The following ANO1 variants were observed in gnomAD, a reference collection of about 807,000 sequenced individuals.
The protein encoded by ANO1 is anoctamin-1.
Under a neutral mutation model 124.0 loss-of-function variants are expected in ANO1, and 59 were observed. That is an observed-to-expected ratio of 0.48 (90% CI 0.39 to 0.59). ANO1 has a LOEUF of 0.59. ANO1 is among the 20% of genes least tolerant of loss of function. The pLI is 0.00. For missense variants in ANO1, 1,059 were observed against 1,328.0 expected (o/e 0.80, Z 3.15); for synonymous variants, 529 against 532.0 (o/e 0.99, Z 0.08).
intron 1 of ANO1, among the ~76,000 whole-genome samples, chr11:69,987,292 C>T (rs1031431548): frequency 6.6e-6 from 1 of 152,188 alleles, no homozygotes; most frequent in Non-Finnish European, 1.5e-5. Context: ...AGAAATGATC[C>T]GTTCTGTGAT....
chr11:70,133,915 C>T (rs917177931), intron 11 of ANO1, among the ~76,000 whole-genome samples: 1 of 152,204 alleles, frequency 6.6e-6, no homozygotes, highest in Non-Finnish European at 1.5e-5. Flanking sequence ...CCTCTTGCCT[C>T]GGCTCACCAA....
chr11:70,129,875 G>A (rs1438079046), intron 10 of ANO1, among the ~76,000 whole-genome samples: 8 of 152,064 alleles, frequency 5.3e-5, no homozygotes, highest in Non-Finnish European at 8.8e-5. Flanking sequence ...TGCCTGCCTC[G>A]GCCTCCCAGT....
chr11:70,108,976 C>T (rs1288093579), intron 6 of ANO1, among the ~76,000 whole-genome samples: 2 of 152,230 alleles, frequency 1.3e-5, no homozygotes, highest in Non-Finnish European at 2.9e-5. Context: ...AATTGTGTAG[C>T]TGGGAACCAC....
At chr11:70,137,725 C>T (rs1464522795) in intron 11 of ANO1, among the ~76,000 whole-genome samples, 2 of 146,938 alleles carry the variant, frequency 1.4e-5, no homozygotes, top group African/African-American at 2.4e-5. Flanking sequence ...GTTCAAATCC[C>T]AGCTCTGTCA....
intron 2 of ANO1, among the ~76,000 whole-genome samples, chr11:70,095,427 A>AG (rs1555017753): frequency 3.3e-5 from 1 of 30,658 alleles, no homozygotes; most frequent in African/African-American, 1.2e-4. Flanking sequence ...AGAAAGAAAG[A>AG]AAAGAAAAGA....
At chr11:70,083,812 C>T (rs11233399) in intron 1 of ANO1, among the ~76,000 whole-genome samples, 21,433 of 152,164 alleles carry the variant, frequency 0.14, 1,674 homozygotes, top group African/African-American at 0.2. Context: ...CTGGCCAGGC[C>T]TCCGGGGTCC....
At chr11:70,165,127 G>A (rs986027828) in intron 19 of ANO1, among the ~76,000 whole-genome samples, 3 of 152,086 alleles carry the variant, frequency 2.0e-5, no homozygotes, top group Non-Finnish European at 4.4e-5. Flanking sequence ...TGGGGACTAC[G>A]GAAGCCCTCA....
intron 8 of ANO1, among the ~76,000 whole-genome samples, chr11:70,118,690 G>C: frequency 6.6e-6 from 1 of 151,368 alleles, no homozygotes; most frequent in East Asian, 2.0e-4. Flanking sequence ...ATGGATGGTG[G>C]AGAGATGAAT....
chr11:70,045,932 T>C (rs1857253915), intron 1 of ANO1, among the ~76,000 whole-genome samples: 1 of 152,194 alleles, frequency 6.6e-6, no homozygotes, highest in African/African-American at 2.4e-5. Flanking sequence ...CATCCAGTCT[T>C]TTCTTGCTCT....
chr11:70,161,701 C>T lies in ANO1; in HGVS notation c.1860C>T (p.Thr620=), dbSNP rs557532554. ...AFLLKFVNSY[T]PIFYVAFFKG... ...TGCTGAAGTTTGTGAATTCCTACAC[C>T]CCCATCTTTTACGTGGCGTTCTTCA... The change falls in exon 18 of 26, where the codon ACC becomes ACT. Residue 620 remains threonine (T), a synonymous_variant. Coordinates refer to ENST00000355303, the MANE Select transcript of ANO1 (RefSeq NM_018043.7). The T allele has an allele frequency of 5.1e-5, 82 of 1,613,894 alleles. No homozygotes were observed. The highest frequency in any genetic ancestry group is 6.0e-5 in the Non-Finnish European group (71 of 1,179,902).
At chr11:70,019,709 C>T (rs1254490674) in intron 1 of ANO1, among the ~76,000 whole-genome samples, 1 of 152,252 alleles carries the variant, frequency 6.6e-6, no homozygotes, top group Admixed American at 6.5e-5. Flanking sequence ...ACCCACCCAC[C>T]ACTGTCTGGG....
At chr11:70,083,605 G>A (rs1308178749) in intron 1 of ANO1, among the ~76,000 whole-genome samples, 3 of 152,122 alleles carry the variant, frequency 2.0e-5, no homozygotes, top group East Asian at 1.9e-4. Context: ...AGGATTTTTG[G>A]CCACTCCTTA....
At chr11:70,104,181 A>G (rs1338552541) in intron 4 of ANO1, 31 bp downstream of exon 4, 10 of 1,599,672 alleles carry the variant, frequency 6.3e-6, no homozygotes, top group Non-Finnish European at 8.5e-6. Flanking sequence ...TGCTCCCCAA[A>G]GGGTCCTGTG....
Position 69,997,260 on chromosome 11 carries a change from G to A in ANO1, c.58+11094G>A, listed in dbSNP as rs1856287622. On this transcript the variant is annotated intron_variant, in intron 1 of 27. Coordinates refer to the ANO1 transcript ENST00000531349. Reference sequence around the variant, plus strand: ...CATTCTGCATTTTAAACATTACCTTGCCCTGTCCTGCCATTACCCCCACCC... The same window carrying A: ...CATTCTGCATTTTAAACATTACCTTACCCTGTCCTGCCATTACCCCCACCC... Among the ~76,000 whole-genome samples, 2 of 152,150 alleles carry A rather than the reference G, an allele frequency of 1.3e-5. 1 individual carries two copies. The highest frequency in any genetic ancestry group is 4.2e-4 in the South Asian group (2 of 4,816).
chr11:70,071,983 C>T (rs914665384), intron 1 of ANO1, among the ~76,000 whole-genome samples: 10 of 152,132 alleles, frequency 6.6e-5, no homozygotes, highest in African/African-American at 2.4e-4. Flanking sequence ...GGTCACATAA[C>T]ATAGATTATT....
rs191956357 is a variant in ANO1, at chr11:70,147,184, G to A, written c.1259-2526G>A. On this transcript the variant is annotated intron_variant, in intron 11 of 25. Transcript: ENST00000355303. The stretch of plus-strand genomic sequence containing the variant: ...GTTGTTGGCCTGGGCGGGCAGAGGA[G>A]GACAGAAAGAGGCAGCTCTCACAGC... Among the ~76,000 whole-genome samples, 10 of 152,370 alleles carry A rather than the reference G, an allele frequency of 6.6e-5. 1 individual carries two copies. The highest frequency in any genetic ancestry group is 5.2e-4 in the Admixed American group (8 of 15,312).
chr11:70,007,497 C>G (rs1413267234), intron 1 of ANO1, among the ~76,000 whole-genome samples: 1 of 152,092 alleles, frequency 6.6e-6, no homozygotes, highest in Non-Finnish European at 1.5e-5. Context: ...AGGATGGTCT[C>G]GATCTCCTGA....
the ANO1 span, among the ~76,000 whole-genome samples, chr11:69,968,865 C>T: frequency 1.8e-4 from 27 of 152,346 alleles, no homozygotes; most frequent in African/African-American, 6.5e-4. Context: ...ACCTAGCCTT[C>T]AGTATGTGCT....
intron 1 of ANO1, among the ~76,000 whole-genome samples, chr11:70,015,436 G>A (rs952540478): frequency 2.6e-5 from 4 of 152,238 alleles, no homozygotes; most frequent in Non-Finnish European, 2.9e-5. Context: ...CAGCCTCATC[G>A]CAAGAAGTGT....
Sources: gnomAD v4.1 joint callset for allele counts (sites outside exome capture counted in the v4.1 genomes callset) on GRCh38, gnomAD v4.1.1 for gene constraint, MANE v1.5 for transcripts, NCBI Gene and HGNC (gene_info 2026-07-23, HGNC 2026-07-21) for gene names.